Variants in TUNAR observed in about 807,000 individuals in gnomAD.
TUNAR encodes protein TUNAR.
rs556227780 is a variant in TUNAR at position 95,880,664 on chromosome 14, TTTAG to T, written c.12+3492_12+3495del. Among the ~76,000 whole-genome samples the T allele has an allele frequency of 4.0e-4, 61 of 152,338 alleles. No homozygotes were observed. In the South Asian group the frequency reaches 0.012, roughly 31 times the overall value. On this transcript the variant is annotated intron_variant, in intron 2 of 2. Transcript: ENST00000678517. ...TATGTAATTTGAAAATGGAGAGTAC[TTTAG>T]TTAGAGCCTTGAACTCAGCTGAAGC...
chr14:95,883,642 G>A (rs1054737199), intron 2 of TUNAR, among the ~76,000 whole-genome samples: 4 of 152,186 alleles, frequency 2.6e-5, no homozygotes, highest in African/African-American at 9.7e-5. Flanking sequence ...TTGGAGGCAC[G>A]CTGGGGCTGG....
intron 2 of TUNAR, among the ~76,000 whole-genome samples, chr14:95,908,664 C>T (rs533670208): frequency 6.6e-6 from 1 of 152,320 alleles, no homozygotes; most frequent in African/African-American, 2.4e-5. Flanking sequence ...TCACAAGAGT[C>T]TCAAAATCAG....
At chr14:95,916,202 G>A (rs769012204) in intron 2 of TUNAR, among the ~76,000 whole-genome samples, 6 of 152,168 alleles carry the variant, frequency 3.9e-5, no homozygotes. Context: ...ATTACCAGTG[G>A]CTTAGAGAGT....
intron 2 of TUNAR, among the ~76,000 whole-genome samples, chr14:95,898,169 G>A (rs542716094): frequency 6.6e-6 from 1 of 152,224 alleles, no homozygotes; most frequent in Admixed American, 6.5e-5. Flanking sequence ...CACACTGAAG[G>A]TCGATTTCCA....
chr14:95,903,366 A>G (rs865902795), intron 2 of TUNAR, among the ~76,000 whole-genome samples: 30 of 152,152 alleles, frequency 2.0e-4, no homozygotes, highest in African/African-American at 6.8e-4. Context: ...ATGTGACCAC[A>G]GTCACTCAGC....
intron 2 of TUNAR, among the ~76,000 whole-genome samples, chr14:95,881,559 G>C (rs1888978342): frequency 6.6e-6 from 1 of 152,220 alleles, no homozygotes; most frequent in Non-Finnish European, 1.5e-5. Flanking sequence ...GGTATTCAGA[G>C]GAACACATGT....
At chr14:95,884,885 T>C (rs1889049995) in intron 2 of TUNAR, among the ~76,000 whole-genome samples, 1 of 152,174 alleles carries the variant, frequency 6.6e-6, no homozygotes, top group African/African-American at 2.4e-5. Flanking sequence ...CTTTTTTTTT[T>C]TCCCTCCTAC....
chr14:95,882,288 G>C (rs1314838290), intron 2 of TUNAR, among the ~76,000 whole-genome samples: 1 of 152,182 alleles, frequency 6.6e-6, no homozygotes, highest in African/African-American at 2.4e-5. Context: ...CTAAAAAGTA[G>C]AAAATGCAAG....
chr14:95,909,366 C>T (rs1889476351), intron 2 of TUNAR, among the ~76,000 whole-genome samples: 1 of 150,134 alleles, frequency 6.7e-6, no homozygotes, highest in African/African-American at 2.5e-5. Context: ...TCACTACAAC[C>T]TCCTCCTCCC....
At chr14:95,911,605 C>G (rs1019881468) in intron 2 of TUNAR, among the ~76,000 whole-genome samples, 7 of 152,212 alleles carry the variant, frequency 4.6e-5, no homozygotes, top group African/African-American at 1.7e-4. Context: ...CAGGCAGGAG[C>G]TTGCCATCGT....
intron 2 of TUNAR, among the ~76,000 whole-genome samples, chr14:95,889,606 C>T (rs762640268): frequency 2.3e-4 from 35 of 152,286 alleles, no homozygotes; most frequent in Non-Finnish European, 3.4e-4. Context: ...GACTGCTCCC[C>T]GTAACTCTGG....
chr14:95,923,971 G>T (rs558697990), exon 3 of TUNAR: 1 of 152,300 alleles, frequency 6.6e-6, no homozygotes, highest in South Asian at 2.1e-4. Flanking sequence ...GAAGAAGAGC[G>T]TGGCTATATT....
intron 2 of TUNAR, among the ~76,000 whole-genome samples, chr14:95,894,235 T>C (rs1889223726): frequency 6.6e-6 from 1 of 152,234 alleles, no homozygotes; most frequent in African/African-American, 2.4e-5. Flanking sequence ...CTCCTTTCAA[T>C]GAAAAATGCC....
intron 2 of TUNAR, among the ~76,000 whole-genome samples, chr14:95,908,343 G>A (rs1456060122): frequency 1.3e-5 from 2 of 152,190 alleles, no homozygotes; most frequent in African/African-American, 4.8e-5. Flanking sequence ...CAGTGGGGTG[G>A]GGCTCCTGCC....
chr14:95,908,762 A>G (rs1332822802), intron 2 of TUNAR, among the ~76,000 whole-genome samples: 2 of 152,214 alleles, frequency 1.3e-5, no homozygotes, highest in African/African-American at 2.4e-5. Flanking sequence ...TGAGCCCATC[A>G]TGAATCCATT....
intron 2 of TUNAR, among the ~76,000 whole-genome samples, chr14:95,898,216 T>G (rs1208813697): frequency 6.6e-6 from 1 of 152,228 alleles, no homozygotes; most frequent in East Asian, 1.9e-4. Context: ...TTTGAAGACT[T>G]TAGAGTTTTC....
chr14:95,902,078 C>T (rs1889363223), intron 2 of TUNAR, among the ~76,000 whole-genome samples: 1 of 152,126 alleles, frequency 6.6e-6, no homozygotes, highest in Non-Finnish European at 1.5e-5. Flanking sequence ...GTAAAGATCA[C>T]AATCCTTTAG....
chr14:95,917,551 CA>C (rs905375362), intron 2 of TUNAR, among the ~76,000 whole-genome samples: 1 of 152,066 alleles, frequency 6.6e-6, no homozygotes, highest in African/African-American at 2.4e-5. Context: ...ACTGGAACTG[CA>C]AAAAACCTAT....
intron 2 of TUNAR, among the ~76,000 whole-genome samples, chr14:95,910,358 T>C (rs551031468): frequency 4.0e-4 from 61 of 152,236 alleles, no homozygotes; most frequent in African/African-American, 1.3e-3. Flanking sequence ...AAAAACAAAA[T>C]AGAATGGGGC....
Sources: allele counts gnomAD v4.1 joint callset (sites outside exome capture counted in the v4.1 genomes callset), GRCh38; gene constraint gnomAD v4.1.1; transcripts MANE v1.5; gene names NCBI Gene and HGNC (gene_info 2026-07-23, HGNC 2026-07-21).